The following DYM variants were observed in gnomAD, a reference collection of about 807,000 sequenced individuals.
DYM encodes the protein dymeclin, also known as dyggve-Melchior-Clausen syndrome protein.
A neutral mutation model predicts 93.1 loss-of-function variants in DYM; 78 were observed. The ratio of observed to expected loss-of-function variants is 0.84; its 90% confidence interval spans 0.70 to 1.01. The LOEUF (loss-of-function observed/expected upper bound fraction) is 1.01, where lower values mean the gene tolerates loss of function less well. Among genes scored for constraint, DYM ranks in the 50% least tolerant of loss-of-function variants. The probability of loss-of-function intolerance (pLI) is 0.00; values close to 1 mark genes in which losing one functional copy is unlikely to be tolerated. For missense variants in DYM, 789 were observed against 845.0 expected (o/e 0.93, Z 0.82); for synonymous variants, 321 against 319.7 (o/e 1.00, Z -0.04).
rs191819766 is a variant in DYM at position 49,443,074 on chromosome 18, C to T, written c.-53-12627G>A. 1.3e-3 allele frequency among the ~76,000 whole-genome samples: 202 copies of T among 152,202 alleles called. 1 individual carries two copies. Among genetic ancestry groups the T allele is most frequent in the African/African-American group, 4.6e-3 (189 of 41,534 alleles). On this transcript the variant is annotated intron_variant, in intron 1 of 17. Coordinates refer to ENST00000675505, the MANE Select transcript of DYM (RefSeq NM_001353214.3). ...TGTTGGCCAGGCTGGTCTCAAACTC[C>T]TGACCTCAGGTGATCTGCCCACATT...
chr18:49,447,427 T>TA (rs1439574824), intron 1 of DYM: 1 of 152,264 alleles, frequency 6.6e-6, no homozygotes, highest in Admixed American at 6.5e-5. Flanking sequence ...CCAGATAGTG[T>TA]AGCCACTTCA....
At chr18:49,414,499 T>C (rs142187477) in intron 2 of DYM, among the ~76,000 whole-genome samples, 221 of 152,336 alleles carry the variant, frequency 1.5e-3, no homozygotes, top group African/African-American at 5.1e-3. Flanking sequence ...ATCTCTGGAA[T>C]ACCATACAAC....
chr18:49,196,123 G>A (rs928154791), intron 14 of DYM, among the ~76,000 whole-genome samples: 15 of 151,602 alleles, frequency 9.9e-5, no homozygotes, highest in South Asian at 4.2e-4. Flanking sequence ...ATGGGGTTTC[G>A]CCATGTTGGC....
Position 49,317,662 on chromosome 18 carries a change from T to TC in DYM, c.763+14201_763+14202insG, listed in dbSNP as rs1216376117. On this transcript the variant is annotated intron_variant, in intron 8 of 17. Transcript: ENST00000675505. The stretch of plus-strand genomic sequence containing the variant: ...TCCTCTCCTCTCCTTCCTTCCTTCC[T>TC]TCCTTCCTTCCTTCCTTCCTTCCTT... 1.5e-3 allele frequency among the ~76,000 whole-genome samples: 133 copies of TC among 91,314 alleles called. 1 individual carries two copies. The highest frequency in any genetic ancestry group is 4.4e-3 in the African/African-American group (104 of 23,654). The allele number at this position is 91,314 out of a possible 152,430, so 59.9% of individuals were successfully genotyped here.
chr18:49,426,088 C>A (rs2074256078), intron 2 of DYM, among the ~76,000 whole-genome samples: 1 of 152,108 alleles, frequency 6.6e-6, no homozygotes, highest in Non-Finnish European at 1.5e-5. Flanking sequence ...TATCAAGACA[C>A]ATGCACACAT....
chr18:49,105,066 A>G (rs1264301734), intron 16 of DYM, among the ~76,000 whole-genome samples: 1 of 152,088 alleles, frequency 6.6e-6, no homozygotes, highest in Non-Finnish European at 1.5e-5. Flanking sequence ...GTAAGCTATT[A>G]ATTATTGCCT....
intron 13 of DYM, among the ~76,000 whole-genome samples, chr18:49,225,597 CTG>C (rs1232862709): frequency 1.6e-4 from 24 of 152,184 alleles, no homozygotes; most frequent in Non-Finnish European, 2.6e-4. Flanking sequence ...AGCATCTTTT[CTG>C]TGAGTTGTTT....
chr18:49,179,093 G>GATGAAAA (rs2089668981), intron 14 of DYM, among the ~76,000 whole-genome samples: 1 of 152,082 alleles, frequency 6.6e-6, no homozygotes, highest in Non-Finnish European at 1.5e-5. Context: ...CAAGAGAGGT[G>GATGAAAA]ACAACTAGAC....
intron 1 of DYM, among the ~76,000 whole-genome samples, chr18:49,456,935 C>G (rs2083032012): frequency 6.6e-6 from 1 of 152,216 alleles, no homozygotes; most frequent in Non-Finnish European, 1.5e-5. Context: ...ACAGTAAGGA[C>G]TTTGACAGCT....
intron 13 of DYM, 49 bp from the exon 14 acceptor site, chr18:49,209,764 T>C (rs564460976): frequency 2.7e-4 from 312 of 1,135,710 alleles, no homozygotes; most frequent in Middle Eastern, 7.4e-4. Context: ...GGAGTTTTCC[T>C]TTGAAAAAAT....
chr18:49,356,780 A>G (rs1049190166), intron 6 of DYM, among the ~76,000 whole-genome samples: 2 of 152,206 alleles, frequency 1.3e-5, no homozygotes, highest in African/African-American at 2.4e-5. Context: ...CATCTAACCC[A>G]GTACTATTAG....
chr18:49,367,927 CG>C (rs2066663870), intron 5 of DYM, among the ~76,000 whole-genome samples: 4 of 152,098 alleles, frequency 2.6e-5, no homozygotes. Context: ...AAAAGACTCA[CG>C]GTAGAGTCTA....
rs541588452 is a variant in DYM at position 49,037,325 on chromosome 18, A to G, written c.*6730T>C. Among the ~76,000 whole-genome samples, 140 of 152,246 alleles carry G rather than the reference A, an allele frequency of 9.2e-4. No homozygotes were observed. The South Asian group carries it at 0.017, about 18-fold the overall frequency. On this transcript the variant is annotated 3_prime_UTR_variant, in exon 18 of 18. Coordinates refer to ENST00000675505, the MANE Select transcript of DYM (RefSeq NM_001353214.3). ...TTAAAATTTTTGAGGTAATTGCTTA[A>G]TTGATTTTTAACCTTTCTTCTTTTC...
intron 17 of DYM, among the ~76,000 whole-genome samples, chr18:49,071,427 G>A (rs1055152803): frequency 1.3e-5 from 2 of 152,118 alleles, no homozygotes; most frequent in Non-Finnish European, 2.9e-5. Flanking sequence ...TTGAAACCAC[G>A]GACACAATGC....
rs191523436 is a variant in DYM, at chr18:49,397,213, A to T, written c.141-5568T>A. ...GTCAATTAACAAAATAAAACTTTTT[A>T]AAAATGATAACTATTATTGATTCCA... On this transcript the variant is annotated intron_variant, in intron 2 of 17. Transcript: ENST00000675505. 3.2e-3 allele frequency among the ~76,000 whole-genome samples: 481 copies of T among 152,356 alleles called. 4 individuals carry two copies. The highest frequency in any genetic ancestry group is 0.011 in the African/African-American group (445 of 41,594).
intron 16 of DYM, among the ~76,000 whole-genome samples, chr18:49,101,089 T>G (rs2080087680): frequency 6.6e-6 from 1 of 152,200 alleles, no homozygotes; most frequent in Admixed American, 6.5e-5. Context: ...GTACTTTTAG[T>G]GATGATGACT....
At chr18:49,377,294 T>A (rs2067594287) in intron 5 of DYM, among the ~76,000 whole-genome samples, 2 of 152,226 alleles carry the variant, frequency 1.3e-5, no homozygotes, top group African/African-American at 4.8e-5. Context: ...GCACGGTGGC[T>A]CATGCCTGTA....
In DYM at chr18:49,163,687, A is replaced by C; in HGVS notation, c.1726T>G (p.Tyr576Asp). Residue 576 changes from tyrosine to aspartate, a missense_variant and splice_region_variant, in exon 15 of 18, where the codon TAT becomes GAT. Physicochemically the swap from Tyr to Asp is radical, Grantham distance 160. Coordinates refer to ENST00000675505, the MANE Select transcript of DYM (RefSeq NM_001353214.3). ...LSSNDVPLPD[Y>D]AQDLNVIEEV... ...TGATGAATAAGGTAACTACTTACAT[A>C]ATCTGGTAGAGGAACATCATTAGAA... is the stretch of plus-strand genomic sequence containing the variant. 1 of 1,605,960 alleles carries C rather than the reference A, an allele frequency of 6.2e-7. No homozygotes were observed.
chr18:49,325,050 G>GA (rs2062786797), intron 8 of DYM, among the ~76,000 whole-genome samples: 1 of 152,120 alleles, frequency 6.6e-6, no homozygotes, highest in Non-Finnish European at 1.5e-5. Flanking sequence ...TGGGAGATGA[G>GA]AAAAGGCATC....
Sources: gnomAD v4.1 joint callset for allele counts (sites outside exome capture counted in the v4.1 genomes callset) on GRCh38, gnomAD v4.1.1 for gene constraint, MANE v1.5 for transcripts, NCBI Gene and HGNC (gene_info 2026-07-23, HGNC 2026-07-21) for gene names.